ZNF398: variants seen among roughly 807,000 people sequenced by gnomAD.
ZNF398 encodes the protein zinc finger protein 398.
In ZNF398, 18 loss-of-function variants were observed where a neutral mutation model predicts 41.9. The ratio of observed to expected loss-of-function variants is 0.43; its 90% confidence interval spans 0.30 to 0.64. The LOEUF (loss-of-function observed/expected upper bound fraction) is 0.64, where lower values mean the gene tolerates loss of function less well. Ranked by LOEUF, ZNF398 falls within the 30% of genes least tolerant of loss-of-function variation. ZNF398 has a pLI of 0.14. For synonymous variants in ZNF398, 260 were observed against 308.8 expected (o/e 0.84, Z 1.66); for missense variants, 669 against 822.8 (o/e 0.81, Z 2.29).
intron 2 of ZNF398, among the ~76,000 whole-genome samples, chr7:149,129,122 A>T (rs915601308): frequency 2.6e-5 from 4 of 151,886 alleles, no homozygotes; most frequent in Non-Finnish European, 1.5e-5. Context: ...ATAAATATAT[A>T]ATATATACTG....
At chr7:149,164,593 T>G (rs543496008) in intron 2 of ZNF398, among the ~76,000 whole-genome samples, 1 of 152,146 alleles carries the variant, frequency 6.6e-6, no homozygotes, top group Non-Finnish European at 1.5e-5. Flanking sequence ...ACAATGAAAT[T>G]CTGAGACCAG....
chr7:149,178,445 C>G (rs1171803554), intron 5 of ZNF398, among the ~76,000 whole-genome samples: 1 of 152,138 alleles, frequency 6.6e-6, no homozygotes, highest in Non-Finnish European at 1.5e-5. Flanking sequence ...AGAATGTGAT[C>G]CTGTCATAAA....
At chr7:149,158,321 T>A (rs919091622) in intron 2 of ZNF398, among the ~76,000 whole-genome samples, 4 of 151,974 alleles carry the variant, frequency 2.6e-5, no homozygotes, top group African/African-American at 9.7e-5. Context: ...TGTGGACTGG[T>A]GGGATAGAAG....
At chr7:149,128,787 T>TAAA (rs1826538443) in intron 1 of ZNF398, 1 of 16,644 alleles carries the variant, frequency 6.0e-5, no homozygotes, top group East Asian at 0.012. Flanking sequence ...AAATTATATA[T>TAAA]ATATATATAT....
intron 2 of ZNF398, among the ~76,000 whole-genome samples, chr7:149,160,225 T>G (rs1344555683): frequency 2.0e-5 from 3 of 151,994 alleles, no homozygotes; most frequent in African/African-American, 7.2e-5. Context: ...GATCACAAGG[T>G]CAGGAGATCG....
intron 2 of ZNF398, among the ~76,000 whole-genome samples, chr7:149,165,143 G>A (rs1257455172): frequency 6.6e-6 from 1 of 151,476 alleles, no homozygotes; most frequent in African/African-American, 2.4e-5. Context: ...AGAAAAAAAC[G>A]AAAATTTTGA....
At chr7:149,142,920 T>C (rs1351706805), upstream of ZNF398, among the ~76,000 whole-genome samples, 1 of 152,158 alleles carries the variant, frequency 6.6e-6, no homozygotes, top group Non-Finnish European at 1.5e-5. Context: ...ACAAGCACAC[T>C]ATAGTTTGTT....
intron 1 of ZNF398, among the ~76,000 whole-genome samples, chr7:149,150,739 C>A (rs927402234): frequency 6.6e-6 from 1 of 151,898 alleles, no homozygotes; most frequent in African/African-American, 2.4e-5. Context: ...TAGACAGAGT[C>A]TTGCTCTGTC....
chr7:149,160,027 G>A (rs938829558), intron 2 of ZNF398, among the ~76,000 whole-genome samples: 6 of 151,902 alleles, frequency 3.9e-5, no homozygotes, highest in Non-Finnish European at 7.4e-5. Flanking sequence ...GGCCCAGCCA[G>A]TGTGAAACTT....
At chr7:149,163,351 T>C (rs1795151066) in intron 2 of ZNF398, among the ~76,000 whole-genome samples, 3 of 151,288 alleles carry the variant, frequency 2.0e-5, no homozygotes, top group Admixed American at 2.0e-4. Flanking sequence ...ATTACAGGCA[T>C]GCGCCATCAT....
At chr7:149,155,240 C>T (rs940849738) in intron 2 of ZNF398, among the ~76,000 whole-genome samples, 2 of 152,012 alleles carry the variant, frequency 1.3e-5, no homozygotes, top group Admixed American at 6.6e-5. Flanking sequence ...GCCAACAAGG[C>T]GAAACCCCAT....
At position 149,178,997 on chromosome 7, in the gene ZNF398, C is replaced by T; in HGVS notation, c.1125C>T (p.Cys375=). The change falls in exon 6 of 6, where the codon TGC becomes TGT. Residue 375 remains cysteine (C), a synonymous_variant. Coordinates refer to ENST00000475153, the MANE Select transcript of ZNF398 (RefSeq NM_170686.3). ...ATEHPLPCAQ[C]PKHFTPQADL... is the part of the protein sequence containing the mutation. Reference sequence around the variant, plus strand: ...AGCACCCCTTACCCTGTGCCCAGTGCCCTAAGCACTTTACTCCACAGGCGG... The same window carrying T: ...AGCACCCCTTACCCTGTGCCCAGTGTCCTAAGCACTTTACTCCACAGGCGG... 6.2e-7 allele frequency: 1 copy of T among 1,614,118 alleles called. No homozygotes were observed. The highest frequency in any genetic ancestry group is 8.5e-7 in the Non-Finnish European group (1 of 1,180,020).
intron 4 of ZNF398, 124 bp downstream of exon 4, chr7:149,167,054 G>A (rs1212806252): frequency 3.2e-5 from 20 of 625,798 alleles, no homozygotes; most frequent in Admixed American, 2.2e-4. Flanking sequence ...GATTTTGAAT[G>A]TGTCATCAGG....
intron 4 of ZNF398, among the ~76,000 whole-genome samples, chr7:149,171,571 C>T (rs924557833): frequency 1.3e-5 from 2 of 152,024 alleles, no homozygotes; most frequent in African/African-American, 4.8e-5. Flanking sequence ...GAGGTTTCAC[C>T]ATGTTGGCCA....
chr7:149,178,080 A>G (rs1442800934), intron 5 of ZNF398, among the ~76,000 whole-genome samples: 1 of 152,192 alleles, frequency 6.6e-6, no homozygotes, highest in African/African-American at 2.4e-5. Context: ...CCATGAGGTC[A>G]GGAGATCGAG....
intron 2 of ZNF398, among the ~76,000 whole-genome samples, chr7:149,139,413 G>A (rs1826778289): frequency 6.6e-6 from 1 of 152,022 alleles, no homozygotes; most frequent in South Asian, 2.1e-4. Flanking sequence ...AATTCCAAAT[G>A]TAACTTAAAG....
intron 1 of ZNF398, chr7:149,151,175 G>A: frequency 8.9e-7 from 1 of 1,123,236 alleles, no homozygotes; most frequent in Non-Finnish European, 1.1e-6. Flanking sequence ...TTGGTATGTG[G>A]TGACAGCAGT....
chr7:149,156,597 G>A (rs1275118021), intron 2 of ZNF398, among the ~76,000 whole-genome samples: 1 of 150,584 alleles, frequency 6.6e-6, no homozygotes, highest in East Asian at 2.0e-4. Flanking sequence ...AGTGGCTCAC[G>A]CCTGTAATCC....
chr7:149,155,734 T>TTATTA (rs1794961667), intron 2 of ZNF398, among the ~76,000 whole-genome samples: 8 of 110,598 alleles, frequency 7.2e-5, no homozygotes, highest in East Asian at 5.1e-4. Context: ...TTTTTTAATT[T>TTATTA]TTTTTTTTTT....
Sources: gnomAD v4.1 joint callset for allele counts (sites outside exome capture counted in the v4.1 genomes callset) on GRCh38, gnomAD v4.1.1 for gene constraint, MANE v1.5 for transcripts, NCBI Gene and HGNC (gene_info 2026-07-23, HGNC 2026-07-21) for gene names.